Variants in NKIRAS1 observed in about 807,000 individuals in gnomAD.
The protein encoded by NKIRAS1 is NF-kappa-B inhibitor-interacting Ras-like protein 1.
In NKIRAS1, 16 loss-of-function variants were observed where a neutral mutation model predicts 19.8. The observed-to-expected ratio is 0.81, with a 90% confidence interval of 0.55 to 1.23. The LOEUF (loss-of-function observed/expected upper bound fraction) is 1.23. NKIRAS1 is among the 50% of genes most tolerant of loss of function. The pLI is 0.00. For missense variants in NKIRAS1, 184 were observed against 220.0 expected, an observed-to-expected ratio of 0.84 and a Z score of 1.04; for synonymous variants, 88 against 79.0, an observed-to-expected ratio of 1.11 and a Z score of -0.61.
intron 1 of NKIRAS1, among the ~76,000 whole-genome samples, chr3:23,931,921 TTGTC>T (rs1467211309): frequency 4.9e-4 from 75 of 152,222 alleles, no homozygotes; most frequent in South Asian, 2.1e-4. Flanking sequence ...TATCAAGTCT[TTGTC>T]TGGAGCAATG....
chr3:23,909,126 T>G (rs150082760), intron 3 of NKIRAS1, among the ~76,000 whole-genome samples: 1 of 152,212 alleles, frequency 6.6e-6, no homozygotes, highest in African/African-American at 2.4e-5. Flanking sequence ...ACTACTGACA[T>G]AGGTATTATA....
upstream of NKIRAS1, chr3:23,918,807 A>G (rs1459094104): frequency 1.0e-5 from 6 of 582,452 alleles, no homozygotes; most frequent in East Asian, 1.8e-4. Context: ...AGCGGCAAGA[A>G]TATGCAGAAG....
chr3:23,906,595 G>A (rs1444062911), intron 3 of NKIRAS1, among the ~76,000 whole-genome samples: 3 of 151,270 alleles, frequency 2.0e-5, no homozygotes, highest in South Asian at 4.2e-4. Context: ...AGACCTTTAC[G>A]ATGAACCACT....
In NKIRAS1 at chr3:23,927,362, C is replaced by G. The variant is rs1705228537; in HGVS notation, c.-139-15912G>C. On this transcript the variant is annotated intron_variant, in intron 1 of 4. Coordinates refer to the NKIRAS1 transcript ENST00000421515. The surrounding 1 kb of genome is among the most constrained non-coding windows in gnomAD (Gnocchi z 4.0). The stretch of plus-strand genomic sequence containing the variant: ...TAGTGAGGCCCCCATCTCTATATTT[C>G]TTAGTTGAGGAAAGAAAAAAAAACC... Among the ~76,000 whole-genome samples the G allele has an allele frequency of 6.6e-6, 1 of 151,814 alleles. No homozygotes were observed. Among genetic ancestry groups the G allele is most frequent in the Non-Finnish European group, 1.5e-5 (1 of 67,954 alleles).
chr3:23,899,988 C>T (rs1351411356), intron 4 of NKIRAS1, among the ~76,000 whole-genome samples: 1 of 151,730 alleles, frequency 6.6e-6, no homozygotes, highest in African/African-American at 2.4e-5. Flanking sequence ...ACGGTGAAAC[C>T]CTGTTTCTAC....
intron 3 of NKIRAS1, among the ~76,000 whole-genome samples, chr3:23,908,865 T>C (rs1447674243): frequency 6.6e-6 from 1 of 151,786 alleles, no homozygotes; most frequent in East Asian, 1.9e-4. Context: ...TTTTTTCTTT[T>C]TTTCATTTTG....
rs1702472066 is a variant in NKIRAS1 at position 23,901,066 on chromosome 3, A to G, written c.95-17T>C. The G allele has an allele frequency of 1.2e-6, 2 of 1,611,550 alleles. No individual in the cohort carries two copies. Among genetic ancestry groups the G allele is most frequent in the Admixed American group, 3.3e-5 (2 of 59,812 alleles). On this transcript the variant is annotated splice_polypyrimidine_tract_variant and intron_variant, in intron 3 of 4. Transcript: ENST00000425478. ...CTTCCATTCCTGGGATTAAGAAAAC[A>G]AATTACTCTTTTTGGCTAAGTCAGT...
At chr3:23,914,152 C>T (rs536705645) in intron 1 of NKIRAS1, among the ~76,000 whole-genome samples, 1 of 140,874 alleles carries the variant, frequency 7.1e-6, no homozygotes, top group South Asian at 2.3e-4. Context: ...AATACAACCT[C>T]CTCTCTCCAA....
At chr3:23,928,487 C>T (rs533737659) in intron 1 of NKIRAS1, among the ~76,000 whole-genome samples, 1 of 151,790 alleles carries the variant, frequency 6.6e-6, no homozygotes, top group South Asian at 2.1e-4. Flanking sequence ...AAATAAAGAT[C>T]CTGTTGCATC....
intron 1 of NKIRAS1, among the ~76,000 whole-genome samples, chr3:23,931,891 T>C (rs1167905556): frequency 6.6e-6 from 1 of 152,192 alleles, no homozygotes; most frequent in Non-Finnish European, 1.5e-5. Context: ...CTATGGGCAC[T>C]GGGCAGAGAC....
chr3:23,928,874 G>A (rs553956619), intron 1 of NKIRAS1, among the ~76,000 whole-genome samples: 9 of 151,802 alleles, frequency 5.9e-5, no homozygotes, highest in Non-Finnish European at 1.2e-4. Flanking sequence ...CGCTGAGCCT[G>A]TAGTCCCAGC....
At chr3:23,921,668 G>C (rs193020435), upstream of NKIRAS1, 1 of 665,110 alleles carries the variant, frequency 1.5e-6, no homozygotes, top group Non-Finnish European at 2.7e-6. Flanking sequence ...TCTGTCTCCC[G>C]GGTTTGAGCA....
chr3:23,895,916 T>C (rs565544834), intron 4 of NKIRAS1, among the ~76,000 whole-genome samples: 10 of 151,914 alleles, frequency 6.6e-5, no homozygotes, highest in African/African-American at 2.4e-4. Context: ...GGGTGGATCA[T>C]GAGGTCAGGA....
chr3:23,937,567 T>C (rs541759167), intron 1 of NKIRAS1, among the ~76,000 whole-genome samples: 51 of 151,866 alleles, frequency 3.4e-4, no homozygotes, highest in African/African-American at 1.1e-3. Context: ...TTTTTTTTTT[T>C]CCCTCACCCC....
intron 1 of NKIRAS1, among the ~76,000 whole-genome samples, chr3:23,945,814 CGCCCG>C (rs1345887297): frequency 6.6e-6 from 1 of 150,558 alleles, no homozygotes; most frequent in South Asian, 2.1e-4. Flanking sequence ...GGCCTGCCGG[CGCCCG>C]GCCCGGCCCC....
intron 1 of NKIRAS1, among the ~76,000 whole-genome samples, chr3:23,912,514 T>C (rs144695745): frequency 0.015 from 2,250 of 152,202 alleles, 31 homozygotes; most frequent in South Asian, 0.067. Flanking sequence ...CCAATTAGAA[T>C]GGTTATCATT....
At chr3:23,893,405 G>A (rs1701629838) in intron 4 of NKIRAS1, 68 bp from the exon 5 acceptor site, 4 of 1,409,450 alleles carry the variant, frequency 2.8e-6, no homozygotes, top group Non-Finnish European at 3.9e-6. Context: ...GCAAAATGGA[G>A]ACATAAGGAA....
At chr3:23,903,800 C>A (rs1057444343) in intron 3 of NKIRAS1, among the ~76,000 whole-genome samples, 1 of 152,054 alleles carries the variant, frequency 6.6e-6, no homozygotes, top group African/African-American at 2.4e-5. Flanking sequence ...AAAGCAATAA[C>A]AAAATAATTC....
intron 1 of NKIRAS1, among the ~76,000 whole-genome samples, chr3:23,945,017 G>A (rs934224207): frequency 4.6e-5 from 7 of 152,090 alleles, no homozygotes; most frequent in Non-Finnish European, 7.4e-5. Flanking sequence ...GGGAGGAGAG[G>A]AAAGAGGAGG....
Sources: gnomAD v4.1 joint callset for allele counts (sites outside exome capture counted in the v4.1 genomes callset) on GRCh38, gnomAD v4.1.1 for gene constraint, Gnocchi (gnomAD v3.1) non-coding constraint, MANE v1.5 for transcripts, NCBI Gene and HGNC (gene_info 2026-07-23, HGNC 2026-07-21) for gene names.